The following EBF2 variants were observed in gnomAD, a reference collection of about 807,000 sequenced individuals.
EBF2 encodes transcription factor COE2.
EBF2 carries 21 observed loss-of-function variants against 72.8 expected under a neutral mutation model. The ratio of observed to expected loss-of-function variants is 0.29; its 90% CI spans 0.20 to 0.42. The LOEUF (loss-of-function observed/expected upper bound fraction) is 0.42. Ranked by LOEUF, EBF2 falls within the 10% of genes least tolerant of loss-of-function variation. The pLI is 1.00. For synonymous variants in EBF2, 299 were observed against 274.2 expected (o/e 1.09, Z -0.89); for missense variants, 637 against 731.2 (o/e 0.87, Z 1.49).
At chr8:25,960,474 T>A (rs1478383582) in intron 6 of EBF2, among the ~76,000 whole-genome samples, 1 of 152,206 alleles carries the variant, frequency 6.6e-6, no homozygotes, top group East Asian at 1.9e-4. Context: ...ATAGCCAGAA[T>A]AAATATCTAT....
intron 6 of EBF2, among the ~76,000 whole-genome samples, chr8:25,918,889 G>A (rs540050852): frequency 1.4e-4 from 21 of 152,230 alleles, no homozygotes; most frequent in South Asian, 4.1e-4. Context: ...TAAAGTAACC[G>A]TATGTTGTAT....
intron 6 of EBF2, among the ~76,000 whole-genome samples, chr8:25,974,234 C>A (rs890879177): frequency 3.0e-4 from 45 of 152,308 alleles, no homozygotes; most frequent in East Asian, 7.7e-4. Context: ...CAAAACCAGA[C>A]CAGGCTCCAG....
chr8:25,879,344 T>G (rs1389152246), intron 10 of EBF2, among the ~76,000 whole-genome samples: 1 of 152,214 alleles, frequency 6.6e-6, no homozygotes, highest in Non-Finnish European at 1.5e-5. Context: ...TTTCAATTTT[T>G]CACTATAATA....
chr8:25,861,537 A>G lies in EBF2; in HGVS notation c.1099-163T>C, dbSNP rs142532043. On this transcript the variant is annotated intron_variant, in intron 11 of 15. Coordinates refer to ENST00000520164, the MANE Select transcript of EBF2 (RefSeq NM_022659.4). The stretch of plus-strand genomic sequence containing the variant: ...TTTGACAGGTAGAATACAATTGTAC[A>G]TGTACATCTCTCTGTAAATACGTAT... 8.6e-4 allele frequency among the ~76,000 whole-genome samples: 131 copies of G among 152,370 alleles called. 1 individual carries two copies. Among genetic ancestry groups the G allele is most frequent in the African/African-American group, 3.0e-3 (126 of 41,588 alleles).
chr8:25,933,975 CATAA>C (rs922742475), intron 6 of EBF2, among the ~76,000 whole-genome samples: 7 of 152,022 alleles, frequency 4.6e-5, no homozygotes, highest in African/African-American at 1.7e-4. Flanking sequence ...GAAGAAAATA[CATAA>C]ATTAATTTTA....
intron 6 of EBF2, among the ~76,000 whole-genome samples, chr8:25,950,816 G>A (rs1803848020): frequency 6.6e-6 from 1 of 152,038 alleles, no homozygotes; most frequent in Non-Finnish European, 1.5e-5. Context: ...TCACAGGCCA[G>A]TAAAGCTGTT....
intron 6 of EBF2, among the ~76,000 whole-genome samples, chr8:25,957,092 AG>A (rs2117174966): frequency 6.6e-6 from 1 of 152,304 alleles, no homozygotes; most frequent in South Asian, 2.1e-4. Flanking sequence ...TACATCCAAA[AG>A]CACCCACTTT....
At chr8:25,866,735 G>C (rs1434032006) in intron 10 of EBF2, among the ~76,000 whole-genome samples, 1 of 148,564 alleles carries the variant, frequency 6.7e-6, no homozygotes, top group Non-Finnish European at 1.5e-5. Context: ...AGGTTCAAGC[G>C]ATTCTCCTGT....
intron 6 of EBF2, among the ~76,000 whole-genome samples, chr8:26,030,980 T>C (rs1805392748): frequency 6.6e-6 from 1 of 152,174 alleles, no homozygotes; most frequent in African/African-American, 2.4e-5. Context: ...ATATTCAACT[T>C]TATCGGTGAA....
At chr8:25,950,347 G>T (rs1314670982) in intron 6 of EBF2, among the ~76,000 whole-genome samples, 1 of 152,198 alleles carries the variant, frequency 6.6e-6, no homozygotes, top group Admixed American at 6.5e-5. Flanking sequence ...TAATGGAAAT[G>T]TACAATGAAA....
chr8:25,922,273 A>G (rs1224011850), intron 6 of EBF2, among the ~76,000 whole-genome samples: 2 of 152,146 alleles, frequency 1.3e-5, no homozygotes, highest in Non-Finnish European at 1.5e-5. Context: ...CAAACAAAAA[A>G]AACACCTGGT....
intron 11 of EBF2, among the ~76,000 whole-genome samples, chr8:25,861,694 C>G (rs1012835235): frequency 1.3e-5 from 2 of 152,084 alleles, no homozygotes; most frequent in African/African-American, 2.4e-5. Flanking sequence ...CTACTTTCAG[C>G]CCATTCTGTT....
intron 6 of EBF2, among the ~76,000 whole-genome samples, chr8:25,977,452 G>T (rs11984569): frequency 0.67 from 101,503 of 151,856 alleles, 34,211 homozygotes; most frequent in Middle Eastern, 0.78. Context: ...GCTTGATAAA[G>T]GCATGAGGAG....
chr8:25,968,305 A>C (rs778048663), intron 6 of EBF2, among the ~76,000 whole-genome samples: 20 of 152,204 alleles, frequency 1.3e-4, no homozygotes, highest in South Asian at 2.1e-4. Flanking sequence ...AACAGATGAA[A>C]GGATAGAAAA....
chr8:25,885,670 G>A (rs771450311), intron 10 of EBF2, among the ~76,000 whole-genome samples: 10 of 152,064 alleles, frequency 6.6e-5, no homozygotes, highest in Middle Eastern at 3.2e-3. Flanking sequence ...TAAGTCTCAC[G>A]AGATCTGATG....
chr8:25,919,358 AAGG>A (rs1363423482), intron 6 of EBF2, among the ~76,000 whole-genome samples: 22 of 152,280 alleles, frequency 1.4e-4, no homozygotes, highest in Non-Finnish European at 1.5e-5. Flanking sequence ...ATGTTCTGGC[AAGG>A]AGAAGTCAGT....
rs192389128 is a variant in EBF2, at chr8:25,966,580, G to A, written c.552-58025C>T. ...CTTTATTCTATTACATAAAGTATAG[G>A]ACAGAGGTTTCTGAACTGTCTTTAT... is the stretch of plus-strand genomic sequence containing the variant. On this transcript the variant is annotated intron_variant, in intron 6 of 15. Coordinates refer to ENST00000520164, the MANE Select transcript of EBF2 (RefSeq NM_022659.4). Among the ~76,000 whole-genome samples the A allele has an allele frequency of 1.7e-3, 259 of 152,324 alleles. 3 individuals carry two copies. Among genetic ancestry groups the A allele is most frequent in the East Asian group, 7.0e-3 (36 of 5,178 alleles).
chr8:25,949,692 G>A (rs1015285374), intron 6 of EBF2, among the ~76,000 whole-genome samples: 1 of 152,060 alleles, frequency 6.6e-6, no homozygotes, highest in Non-Finnish European at 1.5e-5. Flanking sequence ...AACAAAGTAA[G>A]GACATGAGAA....
At chr8:25,934,221 GCATACACACACACA>G (rs1803534245) in intron 6 of EBF2, among the ~76,000 whole-genome samples, 3 of 108,188 alleles carry the variant, frequency 2.8e-5, no homozygotes, top group African/African-American at 1.1e-4. Flanking sequence ...GACTTCATGT[GCATACACACACACA>G]CACACACACA....
Sources: gnomAD v4.1 joint callset for allele counts (sites outside exome capture counted in the v4.1 genomes callset) on GRCh38, gnomAD v4.1.1 for gene constraint, MANE v1.5 for transcripts, NCBI Gene and HGNC (gene_info 2026-07-23, HGNC 2026-07-21) for gene names.